The following DLGAP2 variants were observed in gnomAD, a reference collection of about 807,000 sequenced individuals.
DLGAP2 encodes DLG associated protein 2.
Under a neutral mutation model 100.3 loss-of-function variants are expected in DLGAP2, and 26 were observed. That is an observed-to-expected ratio of 0.26 (90% CI 0.19 to 0.36). DLGAP2 has a LOEUF of 0.36. DLGAP2 is among the 10% of genes least tolerant of loss of function. DLGAP2 has a pLI of 1.00. For missense variants in DLGAP2, 1,858 were observed against 1,453.2 expected, an observed-to-expected ratio of 1.28 and a Z score of -4.53; for synonymous variants, 886 against 630.1, an observed-to-expected ratio of 1.41 and a Z score of -6.08.
Position 1,701,234 on chromosome 8 carries a change from G to T in DLGAP2, c.2996G>T (p.Gly999Val). The T allele has an allele frequency of 6.3e-7, 1 of 1,578,040 alleles. No individual in the cohort carries two copies. Among genetic ancestry groups the T allele is most frequent in the East Asian group, 2.4e-5 (1 of 42,472 alleles). Residue 999 changes from glycine to valine, a missense_variant, in exon 15 of 15, where the codon GGG becomes GTG. Coordinates refer to ENST00000637795, the MANE Select transcript of DLGAP2 (RefSeq NM_001346810.2). The part of the protein sequence containing the change: ...PPPIPKKPPK[G>V]KFPITREKSL... Reference sequence around the variant, plus strand: ...CCAATACCAAAGAAGCCTCCCAAGGGGAAGTTTCCCATCACAAGAGAAAAA... The same window carrying T: ...CCAATACCAAAGAAGCCTCCCAAGGTGAAGTTTCCCATCACAAGAGAAAAA...
chr8:1,186,197 C>A (rs1350230742), intron 2 of DLGAP2, among the ~76,000 whole-genome samples: 1 of 152,244 alleles, frequency 6.6e-6, no homozygotes, highest in Non-Finnish European at 1.5e-5. Flanking sequence ...GGGTCGGTGG[C>A]ACCGAGGGCA....
chr8:1,676,725 G>A, intron 11 of DLGAP2, 107 bp downstream of exon 11: 1 of 1,075,752 alleles, frequency 9.3e-7, no homozygotes, highest in South Asian at 1.4e-5. Flanking sequence ...GCCTGTCCTT[G>A]TGGAAACAGG....
chr8:1,389,346 G>C (rs1796294214), intron 3 of DLGAP2, among the ~76,000 whole-genome samples: 1 of 151,962 alleles, frequency 6.6e-6, no homozygotes, highest in Non-Finnish European at 1.5e-5. Flanking sequence ...TGGGGAGGGT[G>C]GCTGCAGCAT....
chr8:995,799 G>GT, intron 2 of DLGAP2, among the ~76,000 whole-genome samples: 1 of 151,592 alleles, frequency 6.6e-6, no homozygotes, highest in East Asian at 1.9e-4. Flanking sequence ...CCCCTGTTTG[G>GT]TGATGCTGGG....
chr8:1,190,817 G>T (rs1296015218), intron 2 of DLGAP2, among the ~76,000 whole-genome samples: 1 of 151,962 alleles, frequency 6.6e-6, no homozygotes, highest in Non-Finnish European at 1.5e-5. Context: ...GGTCTGTAGG[G>T]GGCAGACCCA....
At chr8:818,292 G>T (rs1401739183) in intron 1 of DLGAP2, among the ~76,000 whole-genome samples, 9 of 152,144 alleles carry the variant, frequency 5.9e-5, no homozygotes, top group African/African-American at 1.9e-4. Context: ...AAAGCTGTCA[G>T]TGACAGACCT....
At chr8:1,186,888 A>G (rs1797516742) in intron 2 of DLGAP2, among the ~76,000 whole-genome samples, 1 of 152,056 alleles carries the variant, frequency 6.6e-6, no homozygotes, top group South Asian at 2.1e-4. Context: ...GCCCTACCGC[A>G]TCCACCCCAT....
At chr8:864,345 A>G (rs1033961743) in intron 1 of DLGAP2, among the ~76,000 whole-genome samples, 3 of 152,174 alleles carry the variant, frequency 2.0e-5, no homozygotes, top group Non-Finnish European at 2.9e-5. Context: ...AATGTTCTCA[A>G]CGTAAAGAAA....
chr8:943,122 T>C (rs1172301429), intron 2 of DLGAP2, among the ~76,000 whole-genome samples: 1 of 152,076 alleles, frequency 6.6e-6, no homozygotes, highest in Non-Finnish European at 1.5e-5. Flanking sequence ...ATACAGAGGG[T>C]GTGCGCACAG....
chr8:934,709 A>G (rs922570191), intron 2 of DLGAP2, among the ~76,000 whole-genome samples: 2 of 152,032 alleles, frequency 1.3e-5, no homozygotes, highest in South Asian at 2.1e-4. Flanking sequence ...TCATGAGCTC[A>G]GGGAGGCGGT....
At chr8:1,368,338 TGTGC>T (rs567085769) in intron 3 of DLGAP2, among the ~76,000 whole-genome samples, 130 of 152,148 alleles carry the variant, frequency 8.5e-4, no homozygotes, top group African/African-American at 3.0e-3. Context: ...TGCATGTGTG[TGTGC>T]ATGCGTGTGT....
chr8:1,179,969 A>G (rs1281804608), intron 2 of DLGAP2, among the ~76,000 whole-genome samples: 2 of 152,252 alleles, frequency 1.3e-5, no homozygotes, highest in Non-Finnish European at 2.9e-5. Flanking sequence ...TTGTTTGAGT[A>G]AATGCAATTA....
intron 12 of DLGAP2, among the ~76,000 whole-genome samples, chr8:1,682,903 G>T (rs915454864): frequency 2.6e-5 from 4 of 151,518 alleles, no homozygotes; most frequent in Non-Finnish European, 5.9e-5. Context: ...CATATGTTTG[G>T]TTTCGTGGTG....
rs1168692626 is a variant in DLGAP2, at chr8:853,564, C to G, written c.19-54348C>G. ...GATGAAGCCCAGGGCCAGACTCACC[C>G]CTCATCAGTTAGGGAATGGTGGGAC... On this transcript the variant is annotated intron_variant, in intron 1 of 14. Transcript: ENST00000637795. Among the ~76,000 whole-genome samples the G allele has an allele frequency of 2.6e-5, 4 of 152,052 alleles. 1 individual carries two copies. In the South Asian group the frequency reaches 6.2e-4, roughly 24 times the overall value.
At chr8:746,511 G>A (rs1239868759) in intron 1 of DLGAP2, among the ~76,000 whole-genome samples, 1 of 152,224 alleles carries the variant, frequency 6.6e-6, no homozygotes, top group Non-Finnish European at 1.5e-5. Context: ...GCCACGGGCT[G>A]GGAGAGAAGA....
Position 1,668,588 on chromosome 8 carries a change from G to A in DLGAP2, c.2070G>A (p.Gln690=). The stretch of plus-strand genomic sequence containing the variant: ...CCCAGCGCCACCTGCCAGAGAGCCA[G>A]AGCAGCTCTGTGCGGACCAGCGACA... ...AAAQRHLPES[Q]SSSVRTSDKA... Residue 690 remains glutamine (Q), a synonymous_variant, in exon 9 of 15, where the codon CAG becomes CAA. Coordinates refer to ENST00000637795, the MANE Select transcript of DLGAP2 (RefSeq NM_001346810.2). 6.3e-7 allele frequency: 1 copy of A among 1,598,120 alleles called. No homozygotes were observed. Among genetic ancestry groups the A allele is most frequent in the South Asian group, 1.1e-5 (1 of 87,868 alleles).
chr8:1,333,729 A>T (rs769532538), intron 3 of DLGAP2, among the ~76,000 whole-genome samples: 1 of 152,182 alleles, frequency 6.6e-6, no homozygotes, highest in African/African-American at 2.4e-5. Flanking sequence ...ATTCAGTTTC[A>T]TATGGTTCTC....
At chr8:1,316,068 T>C (rs1800736655) in intron 3 of DLGAP2, among the ~76,000 whole-genome samples, 1 of 134,246 alleles carries the variant, frequency 7.4e-6, no homozygotes, top group Admixed American at 7.6e-5. Context: ...CGTGTGTGAG[T>C]GCAGCGTCTC....
At position 911,315 on chromosome 8, in the gene DLGAP2, C is replaced by T. The variant is rs578231027; in HGVS notation, c.73+3349C>T. Among the ~76,000 whole-genome samples, 87 of 151,328 alleles carry T rather than the reference C, an allele frequency of 5.7e-4. No homozygotes were observed. The East Asian group carries it at 0.016, about 28-fold the overall frequency. On this transcript the variant is annotated intron_variant, in intron 2 of 14. Transcript: ENST00000637795. ...GATGCTGGAGAATCTTGGAAGGATG[C>T]GTGTATATGTTGGAAGGACGCATGT...
Sources: allele counts gnomAD v4.1 joint callset (sites outside exome capture counted in the v4.1 genomes callset), GRCh38; gene constraint gnomAD v4.1.1; transcripts MANE v1.5; gene names NCBI Gene and HGNC (gene_info 2026-07-23, HGNC 2026-07-21).